The following PDGFC variants were observed in gnomAD, a reference collection of about 807,000 sequenced individuals.
PDGFC encodes platelet derived growth factor C.
PDGFC carries 12 observed loss-of-function variants against 35.5 expected under a neutral mutation model. The observed-to-expected ratio is 0.34, with a 90% confidence interval of 0.22 to 0.55. The LOEUF (loss-of-function observed/expected upper bound fraction) is 0.55. Ranked by LOEUF, PDGFC falls within the 20% of genes least tolerant of loss-of-function variation. The pLI is 0.91. For synonymous variants in PDGFC, 159 were observed against 148.8 expected (o/e 1.07, Z -0.50); for missense variants, 322 against 412.4 (o/e 0.78, Z 1.90).
chr4:156,802,015 T>C (rs981479997), intron 3 of PDGFC, among the ~76,000 whole-genome samples: 1 of 152,268 alleles, frequency 6.6e-6, no homozygotes, highest in South Asian at 2.1e-4. Flanking sequence ...TACATAATTG[T>C]CTATTTTCCT....
rs374352300 is a variant in PDGFC at position 156,761,712 on chromosome 4, A to G, written c.*1378T>C. 6.5e-6 allele frequency: 1 copy of G among 152,676 alleles called. No individual in the cohort carries two copies. Among genetic ancestry groups the G allele is most frequent in the East Asian group, 1.9e-4 (1 of 5,200 alleles). The allele number at this position is 152,676 out of a possible 1,614,324, so 9.5% of individuals were successfully genotyped here. A position where few individuals can be genotyped will look rare whatever the true frequency, so the allele number is the denominator to read the frequency against. ...ACCTAGGCACGATATTAAGCATTTT[A>G]CAAGCAAAATATTTTACTGATTTTC... On this transcript the variant is annotated 3_prime_UTR_variant, in exon 6 of 6. Transcript: ENST00000502773.
At chr4:156,862,766 C>A (rs1729745166) in intron 1 of PDGFC, among the ~76,000 whole-genome samples, 1 of 150,900 alleles carries the variant, frequency 6.6e-6, no homozygotes, top group African/African-American at 2.4e-5. Flanking sequence ...GTAGTCTCTG[C>A]TCACTGCAAC....
In PDGFC at chr4:156,828,245, G is replaced by C. The variant is rs1728835092; in HGVS notation, c.315-17228C>G. Among the ~76,000 whole-genome samples, 3 of 152,168 alleles carry C rather than the reference G, an allele frequency of 2.0e-5. No homozygotes were observed. In the East Asian group the frequency reaches 5.8e-4, roughly 29 times the overall value. Reference sequence around the variant, plus strand: ...TTGCAGCGCAAATCACACTTTAAAAGGTCACCGTTTAGAACACAAAAGCAC... The same window carrying C: ...TTGCAGCGCAAATCACACTTTAAAACGTCACCGTTTAGAACACAAAAGCAC... On this transcript the variant is annotated intron_variant, in intron 2 of 5. Transcript: ENST00000502773.
rs75639248 is a variant in PDGFC, at chr4:156,780,758, A to G, written c.496-7865T>C. ...TCCCCCAGTGAACTGCTTTGAGGGG[A>G]AAAATGAGCTAATTCAGGGGAAGCC... On this transcript the variant is annotated intron_variant, in intron 3 of 5. Coordinates refer to ENST00000502773, the MANE Select transcript of PDGFC (RefSeq NM_016205.3). 1.2e-4 allele frequency among the ~76,000 whole-genome samples: 18 copies of G among 152,276 alleles called. No individual in the cohort carries two copies. The East Asian group carries it at 1.9e-3, about 16-fold the overall frequency.
intron 1 of PDGFC, among the ~76,000 whole-genome samples, chr4:156,908,420 T>C (rs1037570894): frequency 6.6e-6 from 1 of 152,112 alleles, no homozygotes; most frequent in African/African-American, 2.4e-5. Context: ...TATTTCAATC[T>C]AGAAATGCCA....
intron 3 of PDGFC, among the ~76,000 whole-genome samples, chr4:156,785,833 A>T (rs1310287630): frequency 6.6e-6 from 1 of 152,200 alleles, no homozygotes; most frequent in Non-Finnish European, 1.5e-5. Context: ...GTGAGATTTA[A>T]TAAAGTTCTA....
chr4:156,874,228 T>TGTTA (rs1730054700), intron 1 of PDGFC, among the ~76,000 whole-genome samples: 1 of 152,180 alleles, frequency 6.6e-6, no homozygotes, highest in Non-Finnish European at 1.5e-5. Context: ...AGCTGTGTAT[T>TGTTA]ATACAGTTAA....
At chr4:156,814,861 C>T (rs951707575) in intron 2 of PDGFC, among the ~76,000 whole-genome samples, 6 of 152,052 alleles carry the variant, frequency 3.9e-5, no homozygotes, top group African/African-American at 1.4e-4. Context: ...TATGTCGATA[C>T]AAAATCCACT....
intron 2 of PDGFC, among the ~76,000 whole-genome samples, chr4:156,838,564 A>C (rs1179578722): frequency 6.6e-6 from 1 of 152,184 alleles, no homozygotes; most frequent in Non-Finnish European, 1.5e-5. Context: ...GTAGAATGCA[A>C]ATCTATACAG....
intron 1 of PDGFC, among the ~76,000 whole-genome samples, chr4:156,929,901 C>T (rs1403016272): frequency 6.6e-6 from 1 of 152,112 alleles, no homozygotes; most frequent in Admixed American, 6.5e-5. Flanking sequence ...AAGTGTGCAG[C>T]CCTGCTCAAA....
chr4:156,844,850 T>C (rs1299992530), intron 2 of PDGFC, among the ~76,000 whole-genome samples: 2 of 151,986 alleles, frequency 1.3e-5, no homozygotes, highest in Non-Finnish European at 2.9e-5. Context: ...TCTATTAAAA[T>C]AATTTAATGC....
chr4:156,769,799 T>C (rs1255965115), intron 4 of PDGFC, among the ~76,000 whole-genome samples: 2 of 152,038 alleles, frequency 1.3e-5, no homozygotes, highest in Non-Finnish European at 1.5e-5. Context: ...TACATTCCTC[T>C]TTAATTGTTA....
chr4:156,888,184 A>C (rs1215015446), intron 1 of PDGFC, among the ~76,000 whole-genome samples: 1 of 152,144 alleles, frequency 6.6e-6, no homozygotes, highest in Non-Finnish European at 1.5e-5. Context: ...AGAGTTAAGT[A>C]ATAAAGATGC....
intron 1 of PDGFC, among the ~76,000 whole-genome samples, chr4:156,868,033 A>G (rs1729886615): frequency 6.6e-6 from 1 of 152,088 alleles, no homozygotes; most frequent in African/African-American, 2.4e-5. Flanking sequence ...GTGCACCACC[A>G]CACCCAGCTG....
intron 1 of PDGFC, 106 bp downstream of exon 1, chr4:156,970,680 C>A: frequency 1.4e-6 from 1 of 738,158 alleles, no homozygotes; most frequent in Admixed American, 1.9e-5. Context: ...TAATGAGAGA[C>A]CAAAGATACC....
chr4:156,791,569 A>C (rs1731301089), intron 3 of PDGFC, among the ~76,000 whole-genome samples: 1 of 152,214 alleles, frequency 6.6e-6, no homozygotes, highest in Admixed American at 6.5e-5. Context: ...AGAATTATTT[A>C]AGATAAAGCT....
At chr4:156,843,003 C>T (rs1262561896) in intron 2 of PDGFC, among the ~76,000 whole-genome samples, 1 of 152,190 alleles carries the variant, frequency 6.6e-6, no homozygotes, top group East Asian at 1.9e-4. Flanking sequence ...TACACAACTA[C>T]AACACACCCT....
intron 5 of PDGFC, among the ~76,000 whole-genome samples, chr4:156,766,642 T>A (rs936966095): frequency 6.6e-6 from 1 of 152,116 alleles, no homozygotes; most frequent in African/African-American, 2.4e-5. Context: ...TAAAATAACA[T>A]GAAATAAATA....
At chr4:156,794,087 G>C (rs1038334264) in intron 3 of PDGFC, among the ~76,000 whole-genome samples, 62 of 152,188 alleles carry the variant, frequency 4.1e-4, no homozygotes, top group African/African-American at 1.4e-3. Context: ...CTTTGACTGC[G>C]CACTATGTGT....
Sources: gnomAD v4.1 joint callset for allele counts (sites outside exome capture counted in the v4.1 genomes callset) on GRCh38, gnomAD v4.1.1 for gene constraint, MANE v1.5 for transcripts, NCBI Gene and HGNC (gene_info 2026-07-23, HGNC 2026-07-21) for gene names.